The following PLEKHG1 variants were observed in gnomAD, a reference collection of about 807,000 sequenced individuals.
PLEKHG1 encodes pleckstrin homology and RhoGEF domain containing G1, also known as pleckstrin homology domain-containing family G member 1.
PLEKHG1 carries 44 observed loss-of-function variants against 100.8 expected under a neutral mutation model. The ratio of observed to expected loss-of-function variants is 0.44; its 90% CI spans 0.34 to 0.56. PLEKHG1 has a LOEUF of 0.56. Ranked by LOEUF, PLEKHG1 falls within the 20% of genes least tolerant of loss-of-function variation. The probability of loss-of-function intolerance (pLI) is 0.01; values close to 1 mark genes in which losing one functional copy is unlikely to be tolerated. For synonymous variants in PLEKHG1, 640 were observed against 662.5 expected (o/e 0.97, Z 0.52); for missense variants, 1,545 against 1,720.9 (o/e 0.90, Z 1.81).
chr6:150,816,378 T>C (rs1196567425), intron 10 of PLEKHG1, among the ~76,000 whole-genome samples: 1 of 139,108 alleles, frequency 7.2e-6, no homozygotes, highest in African/African-American at 2.6e-5. Context: ...CTCATTCTGT[T>C]GCCTAGGCTG....
chr6:150,781,681 A>G (rs1021277107), intron 3 of PLEKHG1, among the ~76,000 whole-genome samples: 3 of 152,072 alleles, frequency 2.0e-5, no homozygotes, highest in African/African-American at 7.2e-5. Context: ...TATCAGAACT[A>G]TATTTTCTGA....
chr6:150,809,507 G>T, intron 9 of PLEKHG1, 31 bp downstream of exon 10: 1 of 1,573,514 alleles, frequency 6.4e-7, no homozygotes, highest in East Asian at 2.2e-5. Context: ...TCTCCGCAAG[G>T]CCCCTTTGTG....
At chr6:150,779,099 C>T (rs1785150930) in intron 3 of PLEKHG1, among the ~76,000 whole-genome samples, 1 of 152,178 alleles carries the variant, frequency 6.6e-6, no homozygotes, top group South Asian at 2.1e-4. Context: ...TAAGCTACAT[C>T]CTTTAATAAG....
At chr6:150,803,023 C>A (rs1409193345) in intron 6 of PLEKHG1, among the ~76,000 whole-genome samples, 2 of 152,064 alleles carry the variant, frequency 1.3e-5, no homozygotes, top group Non-Finnish European at 2.9e-5. Context: ...ATCCTCTGTA[C>A]CTCCCAGTCT....
chr6:150,762,344 C>G (rs967197266), intron 2 of PLEKHG1, among the ~76,000 whole-genome samples: 4 of 147,316 alleles, frequency 2.7e-5, no homozygotes, highest in Non-Finnish European at 4.4e-5. Context: ...TGCCCGCCAC[C>G]AAGCCCGGCT....
intron 1 of PLEKHG1, among the ~76,000 whole-genome samples, chr6:150,602,302 T>C (rs1474199049): frequency 2.0e-5 from 3 of 152,142 alleles, no homozygotes; most frequent in Non-Finnish European, 4.4e-5. Context: ...TTAATCCTCC[T>C]GCAGCATGAT....
intron 10 of PLEKHG1, among the ~76,000 whole-genome samples, chr6:150,812,488 C>T (rs532111946): frequency 6.6e-6 from 1 of 151,872 alleles, no homozygotes; most frequent in Non-Finnish European, 1.5e-5. Flanking sequence ...CAAAGGCTGC[C>T]GAGGTCAAGG....
chr6:150,606,389 G>A (rs1776601686), intron 1 of PLEKHG1, among the ~76,000 whole-genome samples: 2 of 152,080 alleles, frequency 1.3e-5, no homozygotes, highest in Admixed American at 6.6e-5. Flanking sequence ...CCTATCCCAC[G>A]AGCTGAGGTC....
At chr6:150,699,206 G>GGTTTT (rs1780669739) in intron 3 of PLEKHG1, among the ~76,000 whole-genome samples, 2 of 152,058 alleles carry the variant, frequency 1.3e-5, no homozygotes, top group Non-Finnish European at 2.9e-5. Context: ...TTTTTGGTTT[G>GGTTTT]GTTTTGTTTT....
intron 3 of PLEKHG1, among the ~76,000 whole-genome samples, chr6:150,781,271 A>G (rs1328232693): frequency 5.5e-4 from 83 of 151,270 alleles, no homozygotes; most frequent in African/African-American, 2.0e-3. Flanking sequence ...TTGGGAGGCC[A>G]AGGCAGGTGG....
In PLEKHG1 at chr6:150,830,571, A is replaced by G. The variant is rs201185498; in HGVS notation, c.1471-11A>G. Reference sequence around the variant, plus strand: ...GCTGTGATTCAGTTGATATGTTTCCATCTTCCTCAGGTTTCTAGAGAGGAA... The same window carrying G: ...GCTGTGATTCAGTTGATATGTTTCCGTCTTCCTCAGGTTTCTAGAGAGGAA... On this transcript the variant is annotated splice_polypyrimidine_tract_variant and intron_variant, in intron 14 of 15. Coordinates refer to ENST00000358517, the Ensembl canonical transcript of PLEKHG1. 4.0e-4 allele frequency: 632 copies of G among 1,563,420 alleles called. 3 individuals are homozygous for G. The highest frequency in any genetic ancestry group is 1.0e-3 in the Middle Eastern group (6 of 5,824).
At chr6:150,701,441 A>ATATT (rs1446645506) in intron 3 of PLEKHG1, among the ~76,000 whole-genome samples, 2 of 72,758 alleles carry the variant, frequency 2.7e-5, no homozygotes, top group Non-Finnish European at 4.6e-5. Flanking sequence ...ATATATATAT[A>ATATT]TATATATATA....
Position 150,600,003 on chromosome 6 carries a change from G to A in PLEKHG1, c.-218G>A. On this transcript the variant is annotated 5_prime_UTR_variant, in exon 1 of 4. Transcript: ENST00000367326. The surrounding 1 kb of genome is among the most constrained non-coding windows in gnomAD (Gnocchi z 6.2). ...TGCGAGCGCCGCCCGGGCATGCGAA[G>A]CCGTCCCTCCCCGGGTAAGCGCCGG... 4.2e-6 allele frequency: 1 copy of A among 240,944 alleles called. No homozygotes were observed. The highest frequency in any genetic ancestry group is 8.9e-6 in the Non-Finnish European group (1 of 112,374). The allele number at this position is 240,944 out of a possible 1,614,324, so 14.9% of individuals were successfully genotyped here. A position where few individuals can be genotyped will look rare whatever the true frequency, so the allele number is the denominator to read the frequency against.
At chr6:150,680,780 A>G (rs1779903155) in intron 3 of PLEKHG1, among the ~76,000 whole-genome samples, 1 of 152,200 alleles carries the variant, frequency 6.6e-6, no homozygotes, top group African/African-American at 2.4e-5. Flanking sequence ...GGAAGAGACT[A>G]GATTGGAGCG....
intron 1 of PLEKHG1, among the ~76,000 whole-genome samples, chr6:150,721,831 T>G (rs1781688012): frequency 6.6e-6 from 1 of 152,242 alleles, no homozygotes; most frequent in South Asian, 2.1e-4. Flanking sequence ...TCATTTGGCT[T>G]CATTATTTGA....
intron 3 of PLEKHG1, among the ~76,000 whole-genome samples, chr6:150,783,039 C>T (rs1360422600): frequency 1.3e-5 from 2 of 150,854 alleles, no homozygotes; most frequent in Non-Finnish European, 2.9e-5. Flanking sequence ...AGATTTTGCA[C>T]GCATGAAATA....
chr6:150,604,080 A>G (rs904932889), intron 1 of PLEKHG1, among the ~76,000 whole-genome samples: 1 of 152,226 alleles, frequency 6.6e-6, no homozygotes, highest in African/African-American at 2.4e-5. Context: ...GCATTTGGCC[A>G]AAAGCTAGCA....
At chr6:150,715,576 C>T (rs1781398180) in intron 3 of PLEKHG1, among the ~76,000 whole-genome samples, 2 of 150,828 alleles carry the variant, frequency 1.3e-5, no homozygotes, top group South Asian at 4.2e-4. Flanking sequence ...CAACTTCTGC[C>T]GCCTGAGTTC....
chr6:150,822,841 A>C (rs1178410), intron 13 of PLEKHG1, among the ~76,000 whole-genome samples: 1 of 152,050 alleles, frequency 6.6e-6, no homozygotes, highest in African/African-American at 2.4e-5. Flanking sequence ...TTCACCAGGC[A>C]TGGTGGTTTA....
Sources: gnomAD v4.1 joint callset for allele counts (sites outside exome capture counted in the v4.1 genomes callset) on GRCh38, gnomAD v4.1.1 for gene constraint, Gnocchi (gnomAD v3.1) non-coding constraint, MANE v1.5 for transcripts, NCBI Gene and HGNC (gene_info 2026-07-23, HGNC 2026-07-21) for gene names.